The following HS3ST5 variants were observed in gnomAD, a reference collection of about 807,000 sequenced individuals.
The protein encoded by HS3ST5 is heparan sulfate-glucosamine 3-sulfotransferase 5, also known as heparan sulfate glucosamine 3-O-sulfotransferase 5.
A neutral mutation model predicts 25.4 loss-of-function variants in HS3ST5; 10 were observed. That is an observed-to-expected ratio of 0.39 (90% CI 0.24 to 0.67). The LOEUF (loss-of-function observed/expected upper bound fraction) is 0.67, where lower values mean the gene tolerates loss of function less well. Among genes scored for constraint, HS3ST5 ranks in the 30% least tolerant of loss-of-function variants. The pLI is 0.44. For missense variants in HS3ST5, 324 were observed against 420.7 expected (o/e 0.77, Z 2.01); for synonymous variants, 170 against 162.4 (o/e 1.05, Z -0.36).
intron 1 of HS3ST5, among the ~76,000 whole-genome samples, chr6:114,233,485 C>T (rs908211561): frequency 2.0e-5 from 3 of 151,966 alleles, no homozygotes; most frequent in African/African-American, 7.3e-5. Flanking sequence ...AAAAATAGAA[C>T]ATTTGTGTCT....
At chr6:114,104,114 T>C (rs868007580) in intron 3 of HS3ST5, among the ~76,000 whole-genome samples, 1 of 152,058 alleles carries the variant, frequency 6.6e-6, no homozygotes, top group Non-Finnish European at 1.5e-5. Context: ...GTTTAAACTG[T>C]AGAGATCTTT....
At chr6:114,289,311 T>C (rs1036209922) in intron 1 of HS3ST5, among the ~76,000 whole-genome samples, 1 of 152,114 alleles carries the variant, frequency 6.6e-6, no homozygotes, top group African/African-American at 2.4e-5. Flanking sequence ...GGAAAAATGA[T>C]GCTGCAACTG....
At chr6:114,084,530 A>C in intron 3 of HS3ST5, 1 of 759,234 alleles carries the variant, frequency 1.3e-6, no homozygotes, top group Non-Finnish European at 2.4e-6. Flanking sequence ...GCCGGCGTCC[A>C]CCGCATCACA....
At chr6:114,109,578 C>T (rs1776163315) in intron 3 of HS3ST5, among the ~76,000 whole-genome samples, 1 of 152,196 alleles carries the variant, frequency 6.6e-6, no homozygotes, top group African/African-American at 2.4e-5. Flanking sequence ...GCACTCCTTC[C>T]CTTCCTCTCT....
At chr6:114,075,919 G>A (rs757990695) in intron 3 of HS3ST5, among the ~76,000 whole-genome samples, 3 of 152,076 alleles carry the variant, frequency 2.0e-5, no homozygotes, top group Admixed American at 6.6e-5. Context: ...CTTCAAGAAC[G>A]TGGTAGCTCT....
Position 114,129,327 on chromosome 6 carries a change from C to G in HS3ST5, c.-33+39024G>C, listed in dbSNP as rs944377415. On this transcript the variant is annotated intron_variant, in intron 3 of 4. Transcript: ENST00000312719. ...CTGCAGTGCAGTGGCACAATCTTGG[C>G]TCACTGCAAGCTCCGCCTCCTGGGT... Among the ~76,000 whole-genome samples, 4 of 137,074 alleles carry G rather than the reference C, an allele frequency of 2.9e-5. No homozygotes were observed. The South Asian group carries it at 9.7e-4, about 33-fold the overall frequency. The allele number at this position is 137,074 out of a possible 152,430, so 89.9% of individuals were successfully genotyped here.
chr6:114,055,794 A>AG lies in HS3ST5; in HGVS notation c.*1462dup, dbSNP rs1192636161. 3 of 152,136 alleles carry AG rather than the reference A, an allele frequency of 2.0e-5. No homozygotes were observed. The highest frequency in any genetic ancestry group is 4.2e-4 in the South Asian group (2 of 4,816). The allele number at this position is 152,136 out of a possible 1,614,324, so 9.4% of individuals were successfully genotyped here. A position where few individuals can be genotyped will look rare whatever the true frequency, so the allele number is the denominator to read the frequency against. On this transcript the variant is annotated 3_prime_UTR_variant, in exon 5 of 5. Coordinates refer to ENST00000312719, the MANE Select transcript of HS3ST5 (RefSeq NM_153612.4). ...CACTGGATTAGCAACTGTGATTGTG[A>AG]GAAAAAAAAAATCCATCTTTTTGTT...
intron 2 of HS3ST5, among the ~76,000 whole-genome samples, chr6:114,171,619 T>A (rs1243379455): frequency 6.6e-6 from 1 of 152,174 alleles, no homozygotes; most frequent in East Asian, 1.9e-4. Flanking sequence ...TCAGCCCATT[T>A]TACAGATGAA....
At chr6:114,233,932 A>G (rs932404966) in intron 1 of HS3ST5, among the ~76,000 whole-genome samples, 3 of 152,246 alleles carry the variant, frequency 2.0e-5, no homozygotes, top group African/African-American at 7.2e-5. Flanking sequence ...ACATAAAAGC[A>G]ATGAAAACAG....
intron 3 of HS3ST5, among the ~76,000 whole-genome samples, chr6:114,088,355 T>C (rs1289210611): frequency 6.6e-6 from 1 of 152,160 alleles, no homozygotes; most frequent in Admixed American, 6.5e-5. Context: ...TGCTTTCTTA[T>C]TCTTTTCTTC....
chr6:114,185,742 T>C (rs1369677029), intron 2 of HS3ST5, among the ~76,000 whole-genome samples: 1 of 138,104 alleles, frequency 7.2e-6, no homozygotes, highest in Non-Finnish European at 1.6e-5. Flanking sequence ...TCTTTCTTTC[T>C]TTTTTTTTTT....
At chr6:114,239,264 C>T (rs1467200458) in intron 1 of HS3ST5, 1 of 152,174 alleles carries the variant, frequency 6.6e-6, no homozygotes, top group Non-Finnish European at 1.5e-5. Context: ...TAGAAACAGG[C>T]CTGCTCATGT....
At chr6:114,134,951 C>T (rs543305208) in intron 3 of HS3ST5, among the ~76,000 whole-genome samples, 2 of 152,324 alleles carry the variant, frequency 1.3e-5, no homozygotes, top group South Asian at 2.1e-4. Flanking sequence ...TGCCACGGCA[C>T]AAGGGTTGCA....
intron 2 of HS3ST5, among the ~76,000 whole-genome samples, chr6:114,170,289 GTAAATA>G (rs1185673611): frequency 3.4e-4 from 52 of 151,958 alleles, no homozygotes; most frequent in Non-Finnish European, 5.2e-4. Flanking sequence ...TGTTACAAAT[GTAAATA>G]TAGAGTATAT....
In HS3ST5 at chr6:114,249,215, T is replaced by TTTTA. The variant is rs1322899973; in HGVS notation, c.-338-20441_-338-20438dup. On this transcript the variant is annotated intron_variant, in intron 1 of 4. Coordinates refer to ENST00000312719, the MANE Select transcript of HS3ST5 (RefSeq NM_153612.4). ...GAAATTCATGGCCTGTCCATGTTTC[T>TTTTA]TTTATTAATAGAGATTCAGCACATA... Among the ~76,000 whole-genome samples the TTTTA allele has an allele frequency of 7.2e-5, 11 of 152,362 alleles. No homozygotes were observed. The South Asian group carries it at 2.3e-3, about 32-fold the overall frequency.
At chr6:114,304,004 C>T (rs1310824780) in intron 1 of HS3ST5, among the ~76,000 whole-genome samples, 1 of 152,098 alleles carries the variant, frequency 6.6e-6, no homozygotes, top group Non-Finnish European at 1.5e-5. Flanking sequence ...GAGAAGAGAA[C>T]TAAATCATTC....
intron 2 of HS3ST5, among the ~76,000 whole-genome samples, chr6:114,216,106 C>T (rs1334083999): frequency 1.3e-5 from 2 of 152,158 alleles, no homozygotes; most frequent in Admixed American, 6.5e-5. Context: ...GAAGACCTTA[C>T]CACAAAGAGG....
At chr6:114,140,559 T>C (rs1777853019) in intron 3 of HS3ST5, among the ~76,000 whole-genome samples, 1 of 152,166 alleles carries the variant, frequency 6.6e-6, no homozygotes, top group African/African-American at 2.4e-5. Context: ...ATTTGTATAA[T>C]AAATAAAGGC....
chr6:114,120,289 A>G (rs1776725679), intron 3 of HS3ST5, among the ~76,000 whole-genome samples: 1 of 152,154 alleles, frequency 6.6e-6, no homozygotes, highest in South Asian at 2.1e-4. Context: ...TTTTCCCCTA[A>G]CTATAAGCCT....
Sources: gnomAD v4.1 joint callset for allele counts (sites outside exome capture counted in the v4.1 genomes callset) on GRCh38, gnomAD v4.1.1 for gene constraint, MANE v1.5 for transcripts, NCBI Gene and HGNC (gene_info 2026-07-23, HGNC 2026-07-21) for gene names.